The following PTGFRN variants were observed in gnomAD, a reference collection of about 807,000 sequenced individuals.
The protein encoded by PTGFRN is prostaglandin F2 receptor inhibitor, also known as prostaglandin F2 receptor negative regulator.
PTGFRN carries 35 observed loss-of-function variants against 83.2 expected under a neutral mutation model. The observed-to-expected ratio is 0.42, with a 90% confidence interval of 0.32 to 0.56. The LOEUF (loss-of-function observed/expected upper bound fraction) is 0.56, where lower values mean the gene tolerates loss of function less well. Ranked by LOEUF, PTGFRN falls within the 20% of genes least tolerant of loss-of-function variation. PTGFRN has a pLI of 0.11. For synonymous variants in PTGFRN, 519 were observed against 498.6 expected, an observed-to-expected ratio of 1.04 and a Z score of -0.55; for missense variants, 1,051 against 1,179.5, an observed-to-expected ratio of 0.89 and a Z score of 1.60.
intron 1 of PTGFRN, among the ~76,000 whole-genome samples, chr1:116,932,393 G>GT (rs1322097568): frequency 4.6e-5 from 7 of 152,198 alleles, no homozygotes; most frequent in Non-Finnish European, 1.0e-4. Flanking sequence ...TATTCCAGAG[G>GT]TAGGGAAATG....
rs541974976 is a variant in PTGFRN at position 116,961,090 on chromosome 1, A to G, written c.1214-153A>G. On this transcript the variant is annotated intron_variant, in intron 4 of 8. Transcript: ENST00000393203. The surrounding 1 kb of genome is among the most constrained non-coding windows in gnomAD (Gnocchi z 5.4). ...TGCAAAAACACTGTTCTAGGATCCT[A>G]TCCAATGCAACGACTGATTTCTGTC... Among the ~76,000 whole-genome samples the G allele has an allele frequency of 6.6e-6, 1 of 152,322 alleles. No homozygotes were observed. The highest frequency in any genetic ancestry group is 2.1e-4 in the South Asian group (1 of 4,824).
At chr1:116,946,543 T>C (rs1650206760) in intron 3 of PTGFRN, among the ~76,000 whole-genome samples, 1 of 152,184 alleles carries the variant, frequency 6.6e-6, no homozygotes, top group East Asian at 1.9e-4. Context: ...TTGGAAGAAT[T>C]TGAATTGTAA....
intron 1 of PTGFRN, among the ~76,000 whole-genome samples, chr1:116,916,817 G>T (rs540741953): frequency 1.3e-5 from 2 of 152,244 alleles, no homozygotes; most frequent in South Asian, 4.1e-4. Flanking sequence ...ACTATTACAC[G>T]CCGGGCATTG....
At chr1:116,985,476 A>G (rs1274543161) in intron 8 of PTGFRN, among the ~76,000 whole-genome samples, 6 of 152,054 alleles carry the variant, frequency 3.9e-5, no homozygotes, top group African/African-American at 1.4e-4. Context: ...AGGCGGGCGG[A>G]TCATGAGGTC....
intron 4 of PTGFRN, among the ~76,000 whole-genome samples, chr1:116,951,436 A>G (rs1650343609): frequency 6.6e-6 from 1 of 152,254 alleles, no homozygotes; most frequent in African/African-American, 2.4e-5. Context: ...GCTAACAGAT[A>G]CAGAACCTGC....
chr1:116,984,701 C>A lies in PTGFRN; in HGVS notation c.2189C>A (p.Ser730Tyr). 2.5e-6 allele frequency: 4 copies of A among 1,614,094 alleles called. No individual in the cohort carries two copies. Among genetic ancestry groups the A allele is most frequent in the Non-Finnish European group, 3.4e-6 (4 of 1,180,022 alleles). ...GTAGATGACATGGCCTTTGATGTGT[C>A]CTGGTTTGCGGTGCACTCTTTTGGC... ...LDPDDMAFDVSWFAVHSFGLD... is the reference protein window; with the variant it reads ...LDPDDMAFDVYWFAVHSFGLD... Residue 730 changes from serine to tyrosine, a missense_variant, in exon 8 of 9, where the codon TCC becomes TAC. Physicochemically the swap from Ser to Tyr is moderately radical, Grantham distance 144 (BLOSUM62 -2). Coordinates refer to ENST00000393203, the MANE Select transcript of PTGFRN (RefSeq NM_020440.4).
intron 2 of PTGFRN, among the ~76,000 whole-genome samples, chr1:116,943,208 G>A (rs1650103490): frequency 6.6e-6 from 1 of 152,096 alleles, no homozygotes; most frequent in Admixed American, 6.5e-5. Flanking sequence ...GACTCATCAG[G>A]GGATAAAACT....
intron 1 of PTGFRN, among the ~76,000 whole-genome samples, chr1:116,921,987 C>T (rs1437792894): frequency 6.6e-6 from 1 of 152,026 alleles, no homozygotes; most frequent in Non-Finnish European, 1.5e-5. Flanking sequence ...GGTTGGTGTC[C>T]CATTTGGGGA....
intron 4 of PTGFRN, among the ~76,000 whole-genome samples, chr1:116,956,361 T>C (rs919065121): frequency 6.6e-6 from 1 of 152,254 alleles, no homozygotes; most frequent in African/African-American, 2.4e-5. Context: ...TTTCTTTCCT[T>C]CCAAGCTGGA....
rs975650585 is a variant in PTGFRN, at chr1:116,958,830, G to C, written c.1214-2413G>C. On this transcript the variant is annotated intron_variant, in intron 4 of 8. Transcript: ENST00000393203. This position sits in a 1 kb window ranked among gnomAD's most constrained non-coding sequence, Gnocchi z 4.9. ...GTTCTCTGCTGCCTCACAGTTTGCT[G>C]TTCAGGGTTATGGTTCTCCAGTCCC... Among the ~76,000 whole-genome samples, 1 of 152,166 alleles carries C rather than the reference G, an allele frequency of 6.6e-6. No homozygotes were observed. Among genetic ancestry groups the C allele is most frequent in the African/African-American group, 2.4e-5 (1 of 41,444 alleles).
chr1:116,972,160 T>C (rs890763499), intron 6 of PTGFRN, among the ~76,000 whole-genome samples: 2 of 152,118 alleles, frequency 1.3e-5, no homozygotes, highest in Non-Finnish European at 2.9e-5. Context: ...AAGTCCAGGG[T>C]ATAAGGCCCG....
At position 116,927,525 on chromosome 1, in the gene PTGFRN, C is replaced by CTTTTTTTTTTTTTTT. The variant is rs1171564821; in HGVS notation, c.50-14185_50-14171dup. Among the ~76,000 whole-genome samples, 19 of 124,414 alleles carry CTTTTTTTTTTTTTTT rather than the reference C, an allele frequency of 1.5e-4. 2 individuals are homozygous for CTTTTTTTTTTTTTTT. The highest frequency in any genetic ancestry group is 6.9e-4 in the African/African-American group (18 of 25,968). The allele number at this position is 124,414 out of a possible 152,430, so 81.6% of individuals were successfully genotyped here. ...CTGTATGTCTTTCTGCCTTGCTTAC[C>CTTTTTTTTTTTTTTT]TTTTTTTTTTTTTTTTTTTGATACA... On this transcript the variant is annotated intron_variant, in intron 1 of 8. Coordinates refer to ENST00000393203, the MANE Select transcript of PTGFRN (RefSeq NM_020440.4).
intron 1 of PTGFRN, among the ~76,000 whole-genome samples, chr1:116,931,439 G>A (rs985552136): frequency 2.0e-5 from 3 of 150,868 alleles, no homozygotes; most frequent in Non-Finnish European, 4.4e-5. Context: ...TGTTGAATGA[G>A]TTATCTTATC....
intron 7 of PTGFRN, among the ~76,000 whole-genome samples, chr1:116,980,346 C>T (rs528083165): frequency 2.6e-5 from 4 of 152,296 alleles, no homozygotes; most frequent in Non-Finnish European, 5.9e-5. Flanking sequence ...CCATTTGACC[C>T]AGCCATCCCA....
intron 7 of PTGFRN, among the ~76,000 whole-genome samples, chr1:116,978,999 G>A (rs1476007325): frequency 1.3e-5 from 2 of 151,954 alleles, no homozygotes; most frequent in Non-Finnish European, 2.9e-5. Flanking sequence ...AAAATCTTAA[G>A]CTGATAAGCA....
intron 1 of PTGFRN, among the ~76,000 whole-genome samples, chr1:116,911,725 C>T (rs879652178): frequency 3.3e-5 from 5 of 152,208 alleles, no homozygotes; most frequent in Non-Finnish European, 5.9e-5. Context: ...TCACTGAAGC[C>T]TCAAACTCCT....
intron 1 of PTGFRN, among the ~76,000 whole-genome samples, chr1:116,920,508 G>T (rs1182561374): frequency 1.3e-5 from 2 of 152,314 alleles, no homozygotes; most frequent in Non-Finnish European, 2.9e-5. Flanking sequence ...TCCACAGGTT[G>T]CCCTTTTCCC....
chr1:116,936,831 T>C (rs1436571311), intron 1 of PTGFRN, among the ~76,000 whole-genome samples: 2 of 152,148 alleles, frequency 1.3e-5, no homozygotes, highest in African/African-American at 4.8e-5. Context: ...ACAACTACTA[T>C]TTTACCAGGT....
At chr1:116,959,585 G>A (rs563246578) in intron 4 of PTGFRN, among the ~76,000 whole-genome samples, 1 of 152,168 alleles carries the variant, frequency 6.6e-6, no homozygotes, top group Non-Finnish European at 1.5e-5. Flanking sequence ...CTTTGATCAA[G>A]GTGATGCAGA....
Sources: gnomAD v4.1 joint callset for allele counts (sites outside exome capture counted in the v4.1 genomes callset) on GRCh38, gnomAD v4.1.1 for gene constraint, Gnocchi (gnomAD v3.1) non-coding constraint, MANE v1.5 for transcripts, NCBI Gene and HGNC (gene_info 2026-07-23, HGNC 2026-07-21) for gene names.